TGIF1: variants seen among roughly 807,000 people sequenced by gnomAD.
The protein encoded by TGIF1 is TGFB induced factor homeobox 1.
A neutral mutation model predicts 19.3 loss-of-function variants in TGIF1; 4 were observed. The observed-to-expected ratio is 0.21, with a 90% CI of 0.10 to 0.47. TGIF1 has a LOEUF of 0.47. TGIF1 is among the 20% of genes least tolerant of loss of function. TGIF1 has a pLI of 0.98. For missense variants in TGIF1, 275 were observed against 341.4 expected (o/e 0.81, Z 1.53); for synonymous variants, 122 against 129.3 (o/e 0.94, Z 0.38).
intron 2 of TGIF1, among the ~76,000 whole-genome samples, chr18:3,428,466 G>A (rs1187015940): frequency 6.6e-6 from 1 of 151,934 alleles, no homozygotes; most frequent in Non-Finnish European, 1.5e-5. Context: ...CGGGTATGGT[G>A]GCGGCTCATG....
At chr18:3,449,395 G>C, upstream of TGIF1, 1 of 985,430 alleles carries the variant, frequency 1.0e-6, no homozygotes, top group Non-Finnish European at 1.2e-6. Flanking sequence ...GGCCGTCCCC[G>C]GGCAGAGACG....
rs948759075 is a variant in TGIF1, at chr18:3,457,547, T to C, written c.426T>C (p.His142=). ...CAGCTCTAGAGGAGACCCCATTTCATTCCTGTACAGCTGGGCCAAACCCAA... is the reference window on the plus strand; with the variant it reads ...CAGCTCTAGAGGAGACCCCATTTCACTCCTGTACAGCTGGGCCAAACCCAA... ...FMPALEETPF[H]SCTAGPNPTL... Residue 142 remains histidine, a synonymous_variant, in exon 3 of 3, where the codon CAT becomes CAC. Coordinates refer to ENST00000343820, the MANE Select transcript of TGIF1 (RefSeq NM_003244.4). The surrounding 1 kb of genome is among the most constrained non-coding windows in gnomAD (Gnocchi z 4.9). 3.1e-6 allele frequency: 5 copies of C among 1,614,204 alleles called. No individual in the cohort carries two copies. The highest frequency in any genetic ancestry group is 4.2e-6 in the Non-Finnish European group (5 of 1,180,034).
At chr18:3,424,360 C>T (rs12455470) in intron 2 of TGIF1, among the ~76,000 whole-genome samples, 100,142 of 151,972 alleles carry the variant, frequency 0.66, 33,614 homozygotes, top group African/African-American at 0.78. Context: ...CACATGCAGT[C>T]AAGTTTTTAC....
chr18:3,454,488 CTT>C (rs562680110), intron 1 of TGIF1, among the ~76,000 whole-genome samples: 176 of 137,360 alleles, frequency 1.3e-3, no homozygotes, highest in Non-Finnish European at 2.4e-3. Flanking sequence ...ATTTAATTAA[CTT>C]AACACTTTTT....
chr18:3,436,997 C>T (rs372037119), intron 2 of TGIF1, among the ~76,000 whole-genome samples: 8 of 151,848 alleles, frequency 5.3e-5, no homozygotes, highest in African/African-American at 1.2e-4. Context: ...CCCAGCTACT[C>T]GGGAGGCTGA....
chr18:3,444,038 G>T (rs1175190729), intron 2 of TGIF1, among the ~76,000 whole-genome samples: 1 of 150,784 alleles, frequency 6.6e-6, no homozygotes. Flanking sequence ...GGGTTCAAAC[G>T]ATTCTCCTGC....
upstream of TGIF1, chr18:3,448,018 AAGG>A: frequency 1.0e-6 from 1 of 976,008 alleles, no homozygotes; most frequent in Non-Finnish European, 1.2e-6. Context: ...CCGCGTGGCC[AAGG>A]AGAACCACGG....
chr18:3,446,921 A>G (rs2082755467), upstream of TGIF1, among the ~76,000 whole-genome samples: 1 of 152,162 alleles, frequency 6.6e-6, no homozygotes, highest in Non-Finnish European at 1.5e-5. Context: ...CCTTGATGGA[A>G]CTCATGCTTT....
Position 3,458,030 on chromosome 18 carries a change from T to A in TGIF1, c.*90T>A. On this transcript the variant is annotated 3_prime_UTR_variant, in exon 3 of 3. Coordinates refer to ENST00000343820, the MANE Select transcript of TGIF1 (RefSeq NM_003244.4). Reference sequence around the variant, plus strand: ...TTGCATTATTTTATATATTTTTTATTAATATTTGCACATGGGATTGCTAAA... The same window carrying A: ...TTGCATTATTTTATATATTTTTTATAAATATTTGCACATGGGATTGCTAAA... The A allele has an allele frequency of 8.2e-7, 1 of 1,218,630 alleles. No homozygotes were observed. Among genetic ancestry groups the A allele is most frequent in the Non-Finnish European group, 1.2e-6 (1 of 865,352 alleles). 75.5% of individuals were successfully genotyped at this position (1,218,630 alleles called of 1,614,324 possible).
Sources: gnomAD v4.1 joint callset for allele counts (sites outside exome capture counted in the v4.1 genomes callset) on GRCh38, gnomAD v4.1.1 for gene constraint, Gnocchi (gnomAD v3.1) non-coding constraint, MANE v1.5 for transcripts, NCBI Gene and HGNC (gene_info 2026-07-23, HGNC 2026-07-21) for gene names.